ZC3H12B: variants seen among roughly 807,000 people sequenced by gnomAD.
ZC3H12B encodes the protein zinc finger CCCH-type containing 12B.
In ZC3H12B, 7 loss-of-function variants were observed where a neutral mutation model predicts 43.9. The ratio of observed to expected loss-of-function variants is 0.16; its 90% confidence interval spans 0.09 to 0.30. The LOEUF is 0.30. Among genes scored for constraint, ZC3H12B ranks in the 10% least tolerant of loss-of-function variants. The pLI is 1.00. For missense variants in ZC3H12B, 475 were observed against 670.2 expected (o/e 0.71, Z 3.22); for synonymous variants, 222 against 241.7 (o/e 0.92, Z 0.76).
chrX:65,449,553 A>G (rs1205966522), intron 3 of ZC3H12B, among the ~76,000 whole-genome samples: 2 of 110,559 alleles, frequency 1.8e-5, no homozygotes, highest in African/African-American at 6.6e-5. Context: ...CAGGAGGTGG[A>G]GGTTGCAGTG....
the ZC3H12B span, among the ~76,000 whole-genome samples, chrX:65,164,686 AT>A: frequency 1.8e-5 from 2 of 111,944 alleles, no homozygotes; most frequent in African/African-American, 3.2e-5. Context: ...GCTATGTTAG[AT>A]TTCTTTTACT....
the ZC3H12B span, among the ~76,000 whole-genome samples, chrX:65,225,605 G>A: frequency 8.9e-6 from 1 of 111,777 alleles, no homozygotes; most frequent in African/African-American, 3.3e-5. Flanking sequence ...CAAACCAAAG[G>A]CAAAGAAGTT....
At chrX:65,184,832 AT>A in the ZC3H12B span, among the ~76,000 whole-genome samples, 1 of 111,678 alleles carries the variant, frequency 9.0e-6, no homozygotes, top group Non-Finnish European at 1.9e-5. Context: ...TCAGCAATAG[AT>A]TTTGACATAA....
the ZC3H12B span, among the ~76,000 whole-genome samples, chrX:65,066,500 C>A: frequency 9.0e-6 from 1 of 111,714 alleles, no homozygotes; most frequent in Non-Finnish European, 1.9e-5. Context: ...GCTTCCTATT[C>A]TTTCCTCTGG....
At chrX:65,193,109 G>GTT in the ZC3H12B span, among the ~76,000 whole-genome samples, 295 of 97,198 alleles carry the variant, frequency 3.0e-3, 2 homozygotes, top group African/African-American at 0.011. Flanking sequence ...TGGCCTGAAG[G>GTT]TTTTTTTTTT....
At chrX:65,181,306 A>C in the ZC3H12B span, among the ~76,000 whole-genome samples, 5 of 112,096 alleles carry the variant, frequency 4.5e-5, no homozygotes, top group Non-Finnish European at 9.4e-5. Flanking sequence ...AATCCCTAGA[A>C]GAAAACCTAG....
the ZC3H12B span, among the ~76,000 whole-genome samples, chrX:65,297,945 T>C: frequency 4.3e-4 from 48 of 111,937 alleles, no homozygotes; most frequent in African/African-American, 1.5e-3. Flanking sequence ...GCAAGCCACA[T>C]GTAGAAGAAT....
At chrX:65,159,618 A>G in the ZC3H12B span, among the ~76,000 whole-genome samples, 1 of 112,114 alleles carries the variant, frequency 8.9e-6, no homozygotes, top group Non-Finnish European at 1.9e-5. Context: ...ATTTTGTATC[A>G]TGAGACTTTG....
chrX:65,348,981 G>T, the ZC3H12B span, among the ~76,000 whole-genome samples: 1 of 111,261 alleles, frequency 9.0e-6, no homozygotes, highest in Non-Finnish European at 1.9e-5. Context: ...AATTGACAAG[G>T]ATATTCAGGA....
At chrX:65,313,972 T>C in the ZC3H12B span, among the ~76,000 whole-genome samples, 1 of 111,907 alleles carries the variant, frequency 8.9e-6, no homozygotes, top group African/African-American at 3.2e-5. Flanking sequence ...AAATACAAAC[T>C]ATTTTTGAAA....
chrX:65,433,577 T>G (rs777468066), intron 3 of ZC3H12B, among the ~76,000 whole-genome samples: 35 of 111,729 alleles, frequency 3.1e-4, no homozygotes, highest in Non-Finnish European at 5.6e-4. Context: ...AAAACTCGAT[T>G]GATTTCCTGA....
chrX:65,364,982 G>A (rs767981805), upstream of ZC3H12B, among the ~76,000 whole-genome samples: 35 of 111,410 alleles, frequency 3.1e-4, no homozygotes, highest in South Asian at 4.9e-3. Context: ...GTCTGAGAAG[G>A]CCACCACAGT....
At chrX:65,487,386 CAGAATT>C (rs1569423463), upstream of ZC3H12B, among the ~76,000 whole-genome samples, 1 of 111,414 alleles carries the variant, frequency 9.0e-6, no homozygotes, top group African/African-American at 3.3e-5. Flanking sequence ...ACTAAAAATA[CAGAATT>C]AGCCGGGCAT....
the ZC3H12B span, among the ~76,000 whole-genome samples, chrX:65,320,675 G>A: frequency 1.4e-4 from 16 of 112,114 alleles, no homozygotes; most frequent in Non-Finnish European, 2.6e-4. Flanking sequence ...AACCTAAACA[G>A]CATAGTACTG....
the ZC3H12B span, among the ~76,000 whole-genome samples, chrX:65,349,662 T>A: frequency 1.8e-5 from 2 of 111,134 alleles, no homozygotes; most frequent in Non-Finnish European, 3.8e-5. Context: ...AATAAAAAAA[T>A]TATAGGGTAT....
At chrX:65,379,783 A>G (rs775004283) in intron 2 of ZC3H12B, among the ~76,000 whole-genome samples, 1 of 112,434 alleles carries the variant, frequency 8.9e-6, no homozygotes, top group Non-Finnish European at 1.9e-5. Context: ...GAGCTGAAAA[A>G]CAAGGCTCAA....
the ZC3H12B span, among the ~76,000 whole-genome samples, chrX:65,167,817 C>A: frequency 2.7e-5 from 3 of 111,660 alleles, no homozygotes; most frequent in Non-Finnish European, 3.8e-5. Flanking sequence ...AATGTGAGTT[C>A]ACTCATGATT....
At chrX:65,109,613 TTGTTTCTA>T in the ZC3H12B span, among the ~76,000 whole-genome samples, 3 of 111,735 alleles carry the variant, frequency 2.7e-5, no homozygotes, top group Non-Finnish European at 5.7e-5. Flanking sequence ...AACATTTGGG[TTGTTTCTA>T]TCTTTTGGTT....
At chrX:65,442,310 C>T (rs1012837919) in intron 3 of ZC3H12B, among the ~76,000 whole-genome samples, 4 of 110,300 alleles carry the variant, frequency 3.6e-5, no homozygotes, top group South Asian at 4.0e-4. Context: ...TCTGAGCAGC[C>T]GAATCTGAAA....
Sources: allele counts gnomAD v4.1 joint callset (sites outside exome capture counted in the v4.1 genomes callset), GRCh38; gene constraint gnomAD v4.1.1; transcripts MANE v1.5; gene names NCBI Gene and HGNC (gene_info 2026-07-23, HGNC 2026-07-21).